MPEG1: variants seen among roughly 807,000 people sequenced by gnomAD.
MPEG1 encodes the protein macrophage-expressed gene 1 protein.
For missense variants in MPEG1, 876 were observed against 880.3 expected (o/e 1.00, Z 0.06); for synonymous variants, 365 against 351.9 (o/e 1.04, Z -0.42).
Position 59,209,750 on chromosome 11 carries a change from CGT to C in MPEG1, c.*963_*964del, listed in dbSNP as rs35669635. 27,491 of 81,604 alleles carry C rather than the reference CGT, an allele frequency of 0.34. 3,760 individuals are homozygous for C. Among genetic ancestry groups the C allele is most frequent in the Middle Eastern group, 0.39 (49 of 126 alleles). The allele number at this position is 81,604 out of a possible 1,614,324, so 5.1% of individuals were successfully genotyped here. A position where few individuals can be genotyped will look rare whatever the true frequency, so the allele number is the denominator to read the frequency against. On this transcript the variant is annotated 3_prime_UTR_variant, in exon 1 of 1. Transcript: ENST00000361050. ...CATGCAGACATTGAAATGTGGTGTGCGTGTGTGTGTGTGTGTGTGTGTGTGTG... is the reference window on the plus strand; with the variant it reads ...CATGCAGACATTGAAATGTGGTGTGCGTGTGTGTGTGTGTGTGTGTGTGTG...
In MPEG1 at chr11:59,211,053, C is replaced by T. The variant is rs1213368846; in HGVS notation, c.1813G>A (p.Ala605Thr). 9 of 1,614,134 alleles carry T rather than the reference C, an allele frequency of 5.6e-6. No homozygotes were observed. Among genetic ancestry groups the T allele is most frequent in the Non-Finnish European group, 6.8e-6 (8 of 1,180,028 alleles). The change falls in exon 1 of 1, where the codon GCT (alanine) becomes ACT (threonine). Residue 605 changes from alanine to threonine, a missense_variant. Transcript: ENST00000361050. ...PFTRPPLMSQ[A>T]ATNTVIVTNS... ...GTCACTATGACAGTATTGGTGGCAG[C>T]CTGACTCATGAGGGGTGGCCGGGTG...
rs760768496 is a variant in MPEG1 at position 59,210,736 on chromosome 11, C to T, written c.2130G>A (p.Glu710=). ...TAATGDTTYQ[E]QGQSPA ...AGATTTAAGCTGGACTCTGCCCCTG[C>T]TCTTGGTAAGTGGTGTCTCCAGTTG... Residue 710 remains glutamate (E), a synonymous_variant, in exon 1 of 1, where the codon GAG becomes GAA. Coordinates refer to ENST00000361050, the MANE Select transcript of MPEG1 (RefSeq NM_001039396.2). 1.9e-6 allele frequency: 3 copies of T among 1,613,904 alleles called. No homozygotes were observed. The highest frequency in any genetic ancestry group is 3.3e-5 in the Admixed American group (2 of 60,000).
In MPEG1 at chr11:59,210,631, C is replaced by A. The variant is rs766610305; in HGVS notation, c.*84G>T. 74 of 1,282,300 alleles carry A rather than the reference C, an allele frequency of 5.8e-5. No individual in the cohort carries two copies. Among genetic ancestry groups the A allele is most frequent in the Non-Finnish European group, 7.1e-5 (65 of 909,732 alleles). 79.4% of individuals were successfully genotyped at this position (1,282,300 alleles called of 1,614,324 possible). A position where few individuals can be genotyped will look rare whatever the true frequency, so the allele number is the denominator to read the frequency against. Reference sequence around the variant, plus strand: ...TCACGAATATACCTACTTTTGGTTGCACTTGCCATTTCAATGCTTAGGAAA... The same window carrying A: ...TCACGAATATACCTACTTTTGGTTGAACTTGCCATTTCAATGCTTAGGAAA... On this transcript the variant is annotated 3_prime_UTR_variant, in exon 1 of 1. Transcript: ENST00000361050.
Position 59,212,838 on chromosome 11 carries a change from A to G in MPEG1, c.28T>C (p.Phe10Leu), listed in dbSNP as rs200420780. The change falls in exon 1 of 1, where the codon TTC (phenylalanine) becomes CTC (leucine). Residue 10 changes from phenylalanine (F) to leucine (L), a missense_variant. By Grantham distance (22) the Phe-to-Leu change is conservative. Transcript: ENST00000361050. The stretch of plus-strand genomic sequence containing the variant: ...TTAGCCCATGCTGCCGCTGCCCAGA[A>G]GAGGATGGTGGCCCTGAAGTTGTTC... Reference protein sequence around the residue: MNNFRATILFWAAAAWAKSG... With the variant: MNNFRATILLWAAAAWAKSG... 1,098 of 1,613,998 alleles carry G rather than the reference A, an allele frequency of 6.8e-4. 1 individual carries two copies. The highest frequency in any genetic ancestry group is 8.7e-4 in the Non-Finnish European group (1,030 of 1,179,980).
Position 59,208,814 on chromosome 11 carries a change from G to A in MPEG1, c.*1901C>T, listed in dbSNP as rs564714509. ...TGTTCGGACTTCATATGCATGAGCC[G>A]TTGGACAGAGGGTTTCTTAGTATAT... On this transcript the variant is annotated 3_prime_UTR_variant, in exon 1 of 1. Transcript: ENST00000361050. 2.0e-5 allele frequency: 3 copies of A among 152,352 alleles called. No homozygotes were observed. The highest frequency in any genetic ancestry group is 4.1e-4 in the South Asian group (2 of 4,828). 9.4% of individuals were successfully genotyped at this position (152,352 alleles called of 1,614,324 possible). A position where few individuals can be genotyped will look rare whatever the true frequency, so the allele number is the denominator to read the frequency against.
Position 59,211,612 on chromosome 11 carries a change from C to T in MPEG1, c.1254G>A (p.Pro418=), listed in dbSNP as rs374806906. The part of the protein sequence containing the change: ...GDFSCPSGYS[P]VHLLSQIHEE... ...CGTGGATCTGGGATAACAGGTGCAC[C>T]GGGGAGTAGCCAGAGGGGCAGGAGA... Residue 418 remains proline (P), a synonymous_variant, in exon 1 of 1, where the codon CCG becomes CCA. Coordinates refer to ENST00000361050, the MANE Select transcript of MPEG1 (RefSeq NM_001039396.2). 107 of 1,613,996 alleles carry T rather than the reference C, an allele frequency of 6.6e-5. No homozygotes were observed. The highest frequency in any genetic ancestry group is 1.6e-4 in the Middle Eastern group (1 of 6,084).
Position 59,211,481 on chromosome 11 carries a change from G to A in MPEG1, c.1385C>T (p.Ala462Val). The A allele has an allele frequency of 6.2e-7, 1 of 1,614,182 alleles. No individual in the cohort carries two copies. Reference sequence around the variant, plus strand: ...TTGGCTGCTGGCCACACACCAAAAAGCCCTAAATTCAGCTTTTGCCACCTG... The same window carrying A: ...TTGGCTGCTGGCCACACACCAAAAAACCCTAAATTCAGCTTTTGCCACCTG... ...VFQVAKAEFR[A>V]FWCVASSQVP... The change falls in exon 1 of 1, where the codon GCT becomes GTT. Residue 462 changes from alanine (A) to valine (V), a missense_variant. By Grantham distance (64) the Ala-to-Val change is moderately conservative. Transcript: ENST00000361050.
chr11:59,212,703 G>C lies in MPEG1; in HGVS notation c.163C>G (p.Arg55Gly). 6.2e-7 allele frequency: 1 copy of C among 1,614,188 alleles called. No individual in the cohort carries two copies. The highest frequency in any genetic ancestry group is 8.5e-7 in the Non-Finnish European group (1 of 1,180,030). ...ATAACTCGTCCCATGTCCACATTCCGCAGATTGTCCCAGCCCCCTCCAGGT... is the reference window on the plus strand; with the variant it reads ...ATAACTCGTCCCATGTCCACATTCCCCAGATTGTCCCAGCCCCCTCCAGGT... ...VLPGGGWDNL[R>G]NVDMGRVMEL... is the part of the protein sequence containing the mutation. Residue 55 changes from arginine to glycine, a missense_variant, in exon 1 of 1, where the codon CGG becomes GGG. By Grantham distance (125) the Arg-to-Gly change is moderately radical (BLOSUM62 -2). Transcript: ENST00000361050.
rs1365095519 is a variant in MPEG1, at chr11:59,211,725, C to T, written c.1141G>A (p.Val381Ile). Residue 381 changes from valine (V) to isoleucine (I), a missense_variant, in exon 1 of 1, where the codon GTT (valine) becomes ATT (isoleucine). Val to Ile is a conservative substitution (Grantham distance 29). Coordinates refer to ENST00000361050, the MANE Select transcript of MPEG1 (RefSeq NM_001039396.2). ...GAGAGCTGAGTGCATTCCTGATAAA[C>T]CCCACCGAAAGAGAAGTTGGTCATT... ...GKMTNFSFGG[V>I]YQECTQLSGN... The T allele has an allele frequency of 1.5e-5, 25 of 1,614,088 alleles. No individual in the cohort carries two copies. Among genetic ancestry groups the T allele is most frequent in the Non-Finnish European group, 1.9e-5 (23 of 1,180,044 alleles).
At position 59,212,224 on chromosome 11, in the gene MPEG1, A is replaced by C. The variant is rs1862904601; in HGVS notation, c.642T>G (p.Ala214=). Residue 214 remains alanine (A), a synonymous_variant, in exon 1 of 1, where the codon GCT becomes GCG. Transcript: ENST00000361050. The part of the protein sequence containing the change: ...HVTTSVDAGA[A]LIQEDHLRAS... ...CCCTGAGGTGGTCCTCCTGAATAAG[A>C]GCAGCCCCAGCGTCGACACTGGTGG... is the stretch of plus-strand genomic sequence containing the variant. 6.2e-7 allele frequency: 1 copy of C among 1,613,842 alleles called. No homozygotes were observed. The highest frequency in any genetic ancestry group is 8.5e-7 in the Non-Finnish European group (1 of 1,180,030).
Position 59,211,089 on chromosome 11 carries a change from G to T in MPEG1, c.1777C>A (p.Leu593Ile). 6.2e-7 allele frequency: 1 copy of T among 1,614,202 alleles called. No individual in the cohort carries two copies. The highest frequency in any genetic ancestry group is 8.5e-7 in the Non-Finnish European group (1 of 1,180,034). ...FTGGSLPPAR[L>I]PPFTRPPLMS... ...AGGGGTGGCCGGGTGAAAGGTGGGAGCCTGGCAGGGGGCAGGGACCCTCCT... is the reference window on the plus strand; with the variant it reads ...AGGGGTGGCCGGGTGAAAGGTGGGATCCTGGCAGGGGGCAGGGACCCTCCT... The change falls in exon 1 of 1, where the codon CTC becomes ATC. Residue 593 changes from leucine (L) to isoleucine (I), a missense_variant. Physicochemically the swap from Leu to Ile is conservative, Grantham distance 5 (BLOSUM62 2). Transcript: ENST00000361050.
In MPEG1 at chr11:59,210,014, CCCTT is replaced by C. The variant is rs1191729871; in HGVS notation, c.*697_*700del. On this transcript the variant is annotated 3_prime_UTR_variant, in exon 1 of 1. Coordinates refer to ENST00000361050, the MANE Select transcript of MPEG1 (RefSeq NM_001039396.2). ...TCATTACTCCTTGTCTCCAAATCAT[CCCTT>C]CCTTAATAACTTAAAATAACTTAAA... 1.3e-5 allele frequency: 2 copies of C among 152,204 alleles called. No individual in the cohort carries two copies. The highest frequency in any genetic ancestry group is 2.4e-5 in the African/African-American group (1 of 41,432). The allele number at this position is 152,204 out of a possible 1,614,324, so 9.4% of individuals were successfully genotyped here. A position where few individuals can be genotyped will look rare whatever the true frequency, so the allele number is the denominator to read the frequency against.
Position 59,212,658 on chromosome 11 carries a change from A to C in MPEG1, c.208T>G (p.Cys70Gly), listed in dbSNP as rs777564640. ...TACTGTCCATCCTCTGTTGTCCTGC[A>C]GTTGGAGTAAGTCAATTCCATAACT... ...GRVMELTYSN[C>G]RTTEDGQYII... is the part of the protein sequence containing the mutation. The change falls in exon 1 of 1, where the codon TGC becomes GGC. Residue 70 changes from cysteine to glycine, a missense_variant. Coordinates refer to ENST00000361050, the MANE Select transcript of MPEG1 (RefSeq NM_001039396.2). 1.2e-6 allele frequency: 2 copies of C among 1,614,250 alleles called. No homozygotes were observed. Among genetic ancestry groups the C allele is most frequent in the South Asian group, 2.2e-5 (2 of 91,092 alleles).
chr11:59,212,604 G>C lies in MPEG1; in HGVS notation c.262C>G (p.Pro88Ala). The C allele has an allele frequency of 6.2e-7, 1 of 1,614,208 alleles. No homozygotes were observed. Among genetic ancestry groups the C allele is most frequent in the Non-Finnish European group, 8.5e-7 (1 of 1,180,038 alleles). Reference protein sequence around the residue: ...YIIPDEIFTIPQKQSNLEMNS... With the variant: ...YIIPDEIFTIAQKQSNLEMNS... The stretch of plus-strand genomic sequence containing the variant: ...ATCTCCAGGTTGCTCTGTTTCTGGG[G>C]AATGGTGAAGATTTCATCAGGGATG... Residue 88 changes from proline to alanine, a missense_variant, in exon 1 of 1, where the codon CCC becomes GCC. Transcript: ENST00000361050.
rs892997064 is a variant in MPEG1, at chr11:59,209,132, A to G, written c.*1583T>C. 13 of 152,122 alleles carry G rather than the reference A, an allele frequency of 8.5e-5. No individual in the cohort carries two copies. 9.4% of individuals were successfully genotyped at this position (152,122 alleles called of 1,614,324 possible). On this transcript the variant is annotated 3_prime_UTR_variant, in exon 1 of 1. Coordinates refer to ENST00000361050, the MANE Select transcript of MPEG1 (RefSeq NM_001039396.2). ...ATCAAGTGAAGAGGTTACAGAAATCAGTGTCTCTGGCTGGGCAGTCAAGAG... is the reference window on the plus strand; with the variant it reads ...ATCAAGTGAAGAGGTTACAGAAATCGGTGTCTCTGGCTGGGCAGTCAAGAG...
Position 59,212,812 on chromosome 11 carries a change from T to A in MPEG1, c.54A>T (p.Lys18Asn). The change falls in exon 1 of 1, where the codon AAA becomes AAT. Residue 18 changes from lysine (K) to asparagine (N), a missense_variant. Transcript: ENST00000361050. ...ILFWAAAAWA[K>N]SGKPSGEMDE... ...CCATCTCTCCCGAAGGCTTGCCTGA[T>A]TTAGCCCATGCTGCCGCTGCCCAGA... is the stretch of plus-strand genomic sequence containing the variant. The A allele has an allele frequency of 6.2e-7, 1 of 1,614,238 alleles. No individual in the cohort carries two copies. Among genetic ancestry groups the A allele is most frequent in the Non-Finnish European group, 8.5e-7 (1 of 1,180,036 alleles).
In MPEG1 at chr11:59,210,349, AGCTCAC is replaced by A; in HGVS notation, c.*360_*365del. 9.8e-6 allele frequency: 2 copies of A among 203,570 alleles called. No individual in the cohort carries two copies. The highest frequency in any genetic ancestry group is 1.2e-4 in the South Asian group (1 of 8,290). The allele number at this position is 203,570 out of a possible 1,614,324, so 12.6% of individuals were successfully genotyped here. A position where few individuals can be genotyped will look rare whatever the true frequency, so the allele number is the denominator to read the frequency against. ...AGTTCTTACAGGCAGAAACTCTTAG[AGCTCAC>A]AAATTGGAAACAACTGCAAACTTCA... On this transcript the variant is annotated 3_prime_UTR_variant, in exon 1 of 1. Transcript: ENST00000361050.
Position 59,209,846 on chromosome 11 carries a change from ATGTGTGTGCG to A in MPEG1, c.*859_*868del, listed in dbSNP as rs1469774638. 3.0e-4 allele frequency: 5 copies of A among 16,568 alleles called. No individual in the cohort carries two copies. Among genetic ancestry groups the A allele is most frequent in the Admixed American group, 1.6e-3 (3 of 1,824 alleles). The allele number at this position is 16,568 out of a possible 1,614,324, so 1.0% of individuals were successfully genotyped here. ...CAATGAAGACTTATTGAAATGTGGT[ATGTGTGTGCG>A]TGTGTGTGTGTGTGTGTGTGTGTGT... On this transcript the variant is annotated 3_prime_UTR_variant, in exon 1 of 1. Transcript: ENST00000361050.
chr11:59,211,009 T>G lies in MPEG1; in HGVS notation c.1857A>C (p.Arg619Ser), dbSNP rs1178501287. 6.2e-7 allele frequency: 1 copy of G among 1,614,138 alleles called. No individual in the cohort carries two copies. Among genetic ancestry groups the G allele is most frequent in the Admixed American group, 1.7e-5 (1 of 60,028 alleles). The change falls in exon 1 of 1, where the codon AGA becomes AGC. Residue 619 changes from arginine (R) to serine (S), a missense_variant. Arg to Ser is a moderately radical substitution (Grantham distance 110). Transcript: ENST00000361050. Reference sequence around the variant, plus strand: ...GGGTCTGGGAGTCTTTAATCCAGGATCTCGCATTCTCAGAATTGGTCACTA... The same window carrying G: ...GGGTCTGGGAGTCTTTAATCCAGGAGCTCGCATTCTCAGAATTGGTCACTA... ...TVIVTNSENARSWIKDSQTHQ... is the reference protein window; with the variant it reads ...TVIVTNSENASSWIKDSQTHQ...
Sources: gnomAD v4.1 joint callset for allele counts on GRCh38, gnomAD v4.1.1 for gene constraint, MANE v1.5 for transcripts, NCBI Gene and HGNC (gene_info 2026-07-23, HGNC 2026-07-21) for gene names.